Variants in FMN2 observed in about 807,000 individuals in gnomAD.
The protein encoded by FMN2 is formin 2.
In FMN2, 51 loss-of-function variants were observed where a neutral mutation model predicts 142.3. The ratio of observed to expected loss-of-function variants is 0.36; its 90% CI spans 0.29 to 0.45. The LOEUF is 0.45. Among genes scored for constraint, FMN2 ranks in the 20% least tolerant of loss-of-function variants. The probability of loss-of-function intolerance (pLI) is 1.00; values close to 1 mark genes in which losing one functional copy is unlikely to be tolerated. For missense variants in FMN2, 1,936 were observed against 2,122.8 expected, an observed-to-expected ratio of 0.91 and a Z score of 1.73; for synonymous variants, 882 against 869.8, an observed-to-expected ratio of 1.01 and a Z score of -0.25.
At chr1:240,281,066 A>C (rs1669380255) in intron 7 of FMN2, among the ~76,000 whole-genome samples, 1 of 152,158 alleles carries the variant, frequency 6.6e-6, no homozygotes, top group Admixed American at 6.6e-5. Flanking sequence ...GTTCTCTAAC[A>C]ATTTAACTTG....
intron 1 of FMN2, among the ~76,000 whole-genome samples, chr1:240,094,269 G>T (rs536298724): frequency 6.6e-6 from 1 of 152,216 alleles, no homozygotes; most frequent in South Asian, 2.1e-4. Flanking sequence ...AGCAGTCTGG[G>T]TTCCGCTGCT....
intron 8 of FMN2, among the ~76,000 whole-genome samples, chr1:240,303,245 G>A (rs1670266570): frequency 1.3e-5 from 2 of 152,134 alleles, no homozygotes; most frequent in African/African-American, 2.4e-5. Context: ...AGTAGCTGAC[G>A]TGCTCACATC....
chr1:240,170,896 C>T (rs1229241205), intron 2 of FMN2: 11 of 797,880 alleles, frequency 1.4e-5, no homozygotes, highest in Admixed American at 6.8e-5. Context: ...ATGTATGAAC[C>T]GTCAGGATTT....
chr1:240,311,517 A>G (rs922502202), intron 8 of FMN2, among the ~76,000 whole-genome samples: 2 of 152,148 alleles, frequency 1.3e-5, no homozygotes, highest in African/African-American at 4.8e-5. Context: ...TTCAACCATA[A>G]ACGTGCTTAA....
chr1:240,334,507 C>A (rs1445687562), intron 13 of FMN2, among the ~76,000 whole-genome samples: 3 of 151,996 alleles, frequency 2.0e-5, no homozygotes, highest in African/African-American at 7.2e-5. Context: ...ATTTTATAAC[C>A]AAGAACATTT....
At chr1:240,286,257 A>G (rs1669586939) in intron 7 of FMN2, among the ~76,000 whole-genome samples, 1 of 152,156 alleles carries the variant, frequency 6.6e-6, no homozygotes, top group Non-Finnish European at 1.5e-5. Context: ...AGTACTCCAC[A>G]TGGTCCCTGT....
At chr1:240,416,892 T>G (rs1267865802) in intron 15 of FMN2, among the ~76,000 whole-genome samples, 1 of 152,072 alleles carries the variant, frequency 6.6e-6, no homozygotes, top group African/African-American at 2.4e-5. Context: ...TTTTTAATTT[T>G]TCTTTTTTTA....
intron 5 of FMN2, among the ~76,000 whole-genome samples, chr1:240,209,991 T>A (rs1666626443): frequency 6.6e-6 from 1 of 152,186 alleles, no homozygotes; most frequent in South Asian, 2.1e-4. Context: ...TTCAGAAACA[T>A]GCTTCACAAA....
chr1:240,237,655 A>G (rs564664299), intron 6 of FMN2, among the ~76,000 whole-genome samples: 3 of 151,738 alleles, frequency 2.0e-5, no homozygotes, highest in African/African-American at 7.2e-5. Flanking sequence ...AGATAATCAG[A>G]GACTCCATGT....
At chr1:240,350,274 A>T (rs1180096323) in intron 13 of FMN2, among the ~76,000 whole-genome samples, 6 of 152,228 alleles carry the variant, frequency 3.9e-5, no homozygotes, top group Non-Finnish European at 1.5e-5. Flanking sequence ...GTTTTATATC[A>T]CACTGAGCTT....
In FMN2 at chr1:240,208,126, T is replaced by C. The variant is rs200640213; in HGVS notation, c.3314T>C (p.Val1105Ala). Residue 1105 changes from valine (V) to alanine (A), a missense_variant, in exon 5 of 18, where the codon GTG (valine) becomes GCG (alanine). By Grantham distance (64) the Val-to-Ala change is moderately conservative. Around this residue, in one of 8 missense-constraint regions of FMN2, gnomAD observed 56 missense variants for 111.8 expected, o/e 0.50. Transcript: ENST00000319653. ...CCCCCTCCGCCCCCTCTACCCGGAG[T>C]GGGCATACCTCCTCCGCCCCCTCTA... The part of the protein sequence containing the change: ...GIPPPPPLPG[V>A]GIPPPPPLPG... The C allele has an allele frequency of 0.04, 30,998 of 772,224 alleles. 1,471 individuals carry two copies. The highest frequency in any genetic ancestry group is 0.041 in the Non-Finnish European group (23,350 of 572,912). 47.8% of individuals were successfully genotyped at this position (772,224 alleles called of 1,614,324 possible).
intron 2 of FMN2, among the ~76,000 whole-genome samples, chr1:240,146,620 C>T (rs1186879650): frequency 6.6e-6 from 1 of 151,968 alleles, no homozygotes; most frequent in Non-Finnish European, 1.5e-5. Flanking sequence ...GGGAGAATTG[C>T]TTGAACCCAG....
At position 240,093,127 on chromosome 1, in the gene FMN2, C is replaced by T; in HGVS notation, c.1018C>T (p.Arg340Ter). The T allele has an allele frequency of 7.2e-7, 1 of 1,396,360 alleles. No homozygotes were observed. Among genetic ancestry groups the T allele is most frequent in the Non-Finnish European group, 9.2e-7 (1 of 1,084,310 alleles). The allele number at this position is 1,396,360 out of a possible 1,614,324, so 86.5% of individuals were successfully genotyped here. A position where few individuals can be genotyped will look rare whatever the true frequency, so the allele number is the denominator to read the frequency against. ...GGAGGAAGCGGCCGGAGCCCCCGTG[C>T]GAGGGGCTGGGGACACGGATGAGGA... ...PGEEAAGAPV[R>*]GAGDTDEEGE... Residue 340 changes from arginine to a stop codon, truncating the protein, a stop_gained, in exon 1 of 18, where the codon CGA (arginine) becomes TGA (stop). Coordinates refer to ENST00000319653, the MANE Select transcript of FMN2 (RefSeq NM_020066.5). LOFTEE classifies it high-confidence loss of function.
chr1:240,233,314 A>G (rs1231083241), intron 6 of FMN2, among the ~76,000 whole-genome samples: 1 of 151,910 alleles, frequency 6.6e-6, no homozygotes, highest in Non-Finnish European at 1.5e-5. Flanking sequence ...CCTGGAGGTG[A>G]ACAGAAGTTG....
rs1665764744 is a variant in FMN2 at position 240,192,872 on chromosome 1, AT to A, written c.1986+4612del. 4.6e-5 allele frequency among the ~76,000 whole-genome samples: 7 copies of A among 151,504 alleles called. No homozygotes were observed. In the South Asian group the frequency reaches 1.2e-3, roughly 27 times the overall value. ...TTTTTTTGGTGTGGGAATAATTTTT[AT>A]TCTGTAGAAACTCCAAGGAGCTCAG... On this transcript the variant is annotated intron_variant, in intron 4 of 17. Coordinates refer to ENST00000319653, the MANE Select transcript of FMN2 (RefSeq NM_020066.5).
chr1:240,187,741 A>G (rs1004055827), intron 3 of FMN2, among the ~76,000 whole-genome samples: 3 of 152,154 alleles, frequency 2.0e-5, no homozygotes, highest in Non-Finnish European at 2.9e-5. Context: ...CTTCTTACTC[A>G]GTGTCTCTTG....
intron 2 of FMN2, chr1:240,145,099 C>T: frequency 3.4e-6 from 5 of 1,466,164 alleles, no homozygotes; most frequent in Non-Finnish European, 4.8e-6. Context: ...GAGACTTGGT[C>T]ACCAAAGTCA....
intron 6 of FMN2, among the ~76,000 whole-genome samples, chr1:240,228,319 AAAAAAAAAAAAAAGAAAAAGAAAAAG>A (rs1382066176): frequency 7.3e-5 from 7 of 96,106 alleles, no homozygotes; most frequent in Non-Finnish European, 1.2e-4. Context: ...AAAAAAAAAA[AAAAAAAAAAAAAAGAAAAAGAAAAAG>A]AAAAAGAAAG....
intron 2 of FMN2, among the ~76,000 whole-genome samples, chr1:240,157,946 A>C (rs1664094617): frequency 6.8e-6 from 1 of 147,206 alleles, no homozygotes; most frequent in Non-Finnish European, 1.5e-5. Context: ...AAACCAGCTG[A>C]GGCAACATAG....
Sources: gnomAD v4.1 joint callset for allele counts (sites outside exome capture counted in the v4.1 genomes callset) on GRCh38, gnomAD v4.1.1 for gene constraint, gnomAD v4.1.1 regional missense constraint, MANE v1.5 for transcripts, NCBI Gene and HGNC (gene_info 2026-07-23, HGNC 2026-07-21) for gene names.